The following ZFAT variants were observed in gnomAD, a reference collection of about 807,000 sequenced individuals.
The protein encoded by ZFAT is zinc finger and AT-hook domain containing, also known as zinc finger protein ZFAT.
In ZFAT, 64 loss-of-function variants were observed where a neutral mutation model predicts 117.7. The ratio of observed to expected loss-of-function variants is 0.54; its 90% CI spans 0.44 to 0.67. The LOEUF (loss-of-function observed/expected upper bound fraction) is 0.67, where lower values mean the gene tolerates loss of function less well. ZFAT is among the 30% of genes least tolerant of loss of function. The pLI is 0.00. For synonymous variants in ZFAT, 679 were observed against 615.0 expected (o/e 1.10, Z -1.54); for missense variants, 1,433 against 1,584.5 (o/e 0.90, Z 1.62).
At chr8:134,809,915 G>C in the ZFAT span, among the ~76,000 whole-genome samples, 1 of 152,114 alleles carries the variant, frequency 6.6e-6, no homozygotes, top group Non-Finnish European at 1.5e-5. Flanking sequence ...CAAAGACCTA[G>C]GTCATAAATA....
rs936204659 is a variant in ZFAT at position 134,532,821 on chromosome 8, G to GC, written c.3115+12dup. 7 of 1,608,482 alleles carry GC rather than the reference G, an allele frequency of 4.4e-6. No homozygotes were observed. The highest frequency in any genetic ancestry group is 5.9e-6 in the Non-Finnish European group (7 of 1,178,264). ...AAGCGGGCAGGGCCCCAGCTCGCTG[G>GC]CCCCTCGCCTACCTTGCTGGATGAG... On this transcript the variant is annotated intron_variant, in intron 12 of 15. Coordinates refer to ENST00000377838, the MANE Select transcript of ZFAT (RefSeq NM_020863.4).
At chr8:134,705,390 T>TTG (rs397975242) in intron 1 of ZFAT, among the ~76,000 whole-genome samples, 1 of 150,596 alleles carries the variant, frequency 6.6e-6, no homozygotes, top group Non-Finnish European at 1.5e-5. Flanking sequence ...TTTTTTTTTT[T>TTG]GTAGAGCTGG....
At chr8:134,708,964 A>G (rs554624600) in intron 1 of ZFAT, among the ~76,000 whole-genome samples, 2 of 152,236 alleles carry the variant, frequency 1.3e-5, no homozygotes, top group East Asian at 3.9e-4. Flanking sequence ...AAATTAATTT[A>G]ATTTAATTTT....
chr8:134,777,528 G>A, the ZFAT span, among the ~76,000 whole-genome samples: 49 of 152,262 alleles, frequency 3.2e-4, no homozygotes, highest in African/African-American at 8.4e-4. Context: ...AATGGAGGTA[G>A]CCTTTTAGGG....
At chr8:134,786,634 T>TGATGA in the ZFAT span, among the ~76,000 whole-genome samples, 3 of 152,182 alleles carry the variant, frequency 2.0e-5, no homozygotes, top group Non-Finnish European at 4.4e-5. Flanking sequence ...AATGAATGTA[T>TGATGA]TTTAATAAAT....
the ZFAT span, among the ~76,000 whole-genome samples, chr8:134,740,549 C>A: frequency 6.6e-6 from 1 of 152,182 alleles, no homozygotes; most frequent in African/African-American, 2.4e-5. Flanking sequence ...TCCCTTCTTA[C>A]GCATGTTTTT....
chr8:134,784,482 ATT>A, the ZFAT span: 11 of 152,218 alleles, frequency 7.2e-5, no homozygotes, highest in Non-Finnish European at 1.6e-4. Context: ...TTATTAATAA[ATT>A]TCAGTCTTTC....
At chr8:134,520,645 C>T (rs771695950) in intron 13 of ZFAT, among the ~76,000 whole-genome samples, 50 of 152,132 alleles carry the variant, frequency 3.3e-4, no homozygotes, top group Admixed American at 3.9e-4. Flanking sequence ...GAGGTCAACA[C>T]AAACTTTCAC....
chr8:134,542,578 C>T (rs1158198740), intron 11 of ZFAT, among the ~76,000 whole-genome samples: 1 of 152,216 alleles, frequency 6.6e-6, no homozygotes, highest in African/African-American at 2.4e-5. Flanking sequence ...CACTAATTCA[C>T]TTAGGATAAT....
chr8:134,570,559 T>C (rs1182310357), intron 10 of ZFAT, among the ~76,000 whole-genome samples: 1 of 152,192 alleles, frequency 6.6e-6, no homozygotes, highest in African/African-American at 2.4e-5. Flanking sequence ...CCTTGCAGGT[T>C]GTGGGTACTT....
intron 11 of ZFAT, among the ~76,000 whole-genome samples, chr8:134,542,461 C>A (rs1199619964): frequency 6.6e-6 from 1 of 152,204 alleles, no homozygotes; most frequent in Non-Finnish European, 1.5e-5. Context: ...CTCCCACCAC[C>A]CTCAAGCAGG....
chr8:134,494,020 A>G (rs1283710161), intron 15 of ZFAT, among the ~76,000 whole-genome samples: 1 of 152,192 alleles, frequency 6.6e-6, no homozygotes, highest in Non-Finnish European at 1.5e-5. Context: ...ATTGTGCATA[A>G]TACTTGACTT....
the ZFAT span, among the ~76,000 whole-genome samples, chr8:134,747,819 A>G: frequency 1.3e-5 from 2 of 152,090 alleles, no homozygotes; most frequent in African/African-American, 2.4e-5. Context: ...CATCATCATC[A>G]TATTACCGAG....
At chr8:134,555,140 C>A (rs1286318536) in intron 11 of ZFAT, among the ~76,000 whole-genome samples, 2 of 152,196 alleles carry the variant, frequency 1.3e-5, no homozygotes, top group African/African-American at 4.8e-5. Context: ...GTGCGAGCTG[C>A]CAAGGGTCTT....
chr8:134,587,573 C>A (rs1180312588), intron 9 of ZFAT, among the ~76,000 whole-genome samples: 1 of 152,186 alleles, frequency 6.6e-6, no homozygotes, highest in African/African-American at 2.4e-5. Flanking sequence ...CTTTCCCTGG[C>A]CCCTTGTCTC....
At position 134,600,529 on chromosome 8, in the gene ZFAT, A is replaced by G. The variant is rs1170533777; in HGVS notation, c.2382T>C (p.Ser794=). The G allele has an allele frequency of 1.5e-5, 24 of 1,614,174 alleles. No individual in the cohort carries two copies. The highest frequency in any genetic ancestry group is 2.0e-5 in the Non-Finnish European group (24 of 1,180,042). The change falls in exon 7 of 16, where the codon AGT becomes AGC. Residue 794 remains serine, a synonymous_variant. Coordinates refer to ENST00000377838, the MANE Select transcript of ZFAT (RefSeq NM_020863.4). ...CGGTGGGACACTTCAGCAAGATGTT[A>G]CTGTGTTTCTGAATTACGTGGCGTT... ...CLKRHVIQKH[S]NILLKCPTDG... is the part of the protein sequence containing the mutation.
the ZFAT span, among the ~76,000 whole-genome samples, chr8:134,772,599 C>T: frequency 2.0e-5 from 3 of 152,286 alleles, no homozygotes; most frequent in African/African-American, 7.2e-5. Flanking sequence ...CATAAAAGTG[C>T]AAGATGAAAT....
intron 3 of ZFAT, among the ~76,000 whole-genome samples, chr8:134,611,087 AAGGTACAG>A (rs1460732738): frequency 2.0e-5 from 3 of 152,270 alleles, no homozygotes; most frequent in Non-Finnish European, 4.4e-5. Flanking sequence ...AAGGAGTGAT[AAGGTACAG>A]ACCCTGCTCT....
At chr8:134,725,357 G>A in the ZFAT span, among the ~76,000 whole-genome samples, 1 of 152,138 alleles carries the variant, frequency 6.6e-6, no homozygotes, top group Admixed American at 6.5e-5. Context: ...TCCACAGGCT[G>A]TTCAGGAAGC....
Sources: allele counts gnomAD v4.1 joint callset (sites outside exome capture counted in the v4.1 genomes callset), GRCh38; gene constraint gnomAD v4.1.1; transcripts MANE v1.5; gene names NCBI Gene and HGNC (gene_info 2026-07-23, HGNC 2026-07-21).